ZEB2: variants seen among roughly 807,000 people sequenced by gnomAD.
ZEB2 encodes zinc finger E-box binding homeobox 2, also known as zinc finger E-box-binding homeobox 2.
ZEB2 carries 6 observed loss-of-function variants against 99.9 expected under a neutral mutation model. The observed-to-expected ratio is 0.06, with a 90% CI of 0.03 to 0.12. The LOEUF (loss-of-function observed/expected upper bound fraction) is 0.12, where lower values mean the gene tolerates loss of function less well. Ranked by LOEUF, ZEB2 falls within the 10% of genes least tolerant of loss-of-function variation. ZEB2 has a pLI of 1.00. For missense variants in ZEB2, 969 were observed against 1,502.8 expected (o/e 0.64, Z 5.87); for synonymous variants, 517 against 542.5 (o/e 0.95, Z 0.65).
intron 2 of ZEB2, among the ~76,000 whole-genome samples, chr2:144,479,742 A>G (rs1325442876): frequency 2.0e-5 from 3 of 151,330 alleles, no homozygotes; most frequent in Non-Finnish European, 4.4e-5. Context: ...CTCATTGAAC[A>G]AAGATTTCCC....
chr2:144,435,749 T>G (rs1703828634), intron 2 of ZEB2, among the ~76,000 whole-genome samples: 1 of 152,178 alleles, frequency 6.6e-6, no homozygotes, highest in African/African-American at 2.4e-5. Flanking sequence ...TCTTTACATG[T>G]GGCAAGTGTC....
At chr2:144,517,054 C>A (rs1429341959) in intron 2 of ZEB2, among the ~76,000 whole-genome samples, 1 of 149,808 alleles carries the variant, frequency 6.7e-6, no homozygotes, top group African/African-American at 2.4e-5. Flanking sequence ...CGCGCTCGGA[C>A]CCCCGGGTGC....
intron 1 of ZEB2, chr2:144,518,839 C>A (rs1334375014): frequency 3.9e-5 from 6 of 152,138 alleles, no homozygotes; most frequent in Non-Finnish European, 8.8e-5. Flanking sequence ...CACACGACTG[C>A]ATATAAATAC....
At position 144,384,123 on chromosome 2, in the gene ZEB2, AT is replaced by A. The variant is rs1703049933; in HGVS notation, c.*5327del. On this transcript the variant is annotated 3_prime_UTR_variant, in exon 10 of 10. Coordinates refer to ENST00000627532, the MANE Select transcript of ZEB2 (RefSeq NM_014795.4). The stretch of plus-strand genomic sequence containing the variant: ...AATCTTCATGTATTTTTTACTCATC[AT>A]TTTCTTTGACTAAAATTATTAGAAT... 1 of 152,122 alleles carries A rather than the reference AT, an allele frequency of 6.6e-6. No individual in the cohort carries two copies. Among genetic ancestry groups the A allele is most frequent in the South Asian group, 2.1e-4 (1 of 4,828 alleles). 9.4% of individuals were successfully genotyped at this position (152,122 alleles called of 1,614,324 possible). A position where few individuals can be genotyped will look rare whatever the true frequency, so the allele number is the denominator to read the frequency against.
At chr2:144,451,147 C>A (rs569458407) in intron 2 of ZEB2, among the ~76,000 whole-genome samples, 1 of 152,308 alleles carries the variant, frequency 6.6e-6, no homozygotes, top group South Asian at 2.1e-4. Context: ...TTTATTACTA[C>A]ACATGAGATC....
chr2:144,401,671 A>G (rs765418746), intron 6 of ZEB2, among the ~76,000 whole-genome samples: 2 of 152,202 alleles, frequency 1.3e-5, no homozygotes, highest in African/African-American at 2.4e-5. Context: ...AGAATGTGAC[A>G]ATTCTGTCAA....
At chr2:144,517,638 G>A in intron 1 of ZEB2, 1 of 700,842 alleles carries the variant, frequency 1.4e-6, no homozygotes, top group East Asian at 2.7e-5. Context: ...CCCGCGAGGG[G>A]ATCAGAGAGA....
At chr2:144,451,303 TGGAAAAGAGAG>T (rs1174383119) in intron 2 of ZEB2, among the ~76,000 whole-genome samples, 7 of 152,194 alleles carry the variant, frequency 4.6e-5, no homozygotes, top group Middle Eastern at 3.2e-3. Context: ...TAGGTAAATC[TGGAAAAGAGAG>T]GTCCAGTGCA....
At chr2:144,449,645 A>G (rs1019198979) in intron 2 of ZEB2, 5 of 152,326 alleles carry the variant, frequency 3.3e-5, no homozygotes, top group African/African-American at 1.2e-4. Flanking sequence ...GAATGAAGGT[A>G]GATGCCTTGA....
rs76167512 is a variant in ZEB2 at position 144,400,662 on chromosome 2, C to T, written c.917-392G>A. On this transcript the variant is annotated intron_variant, in intron 7 of 9. Coordinates refer to ENST00000627532, the MANE Select transcript of ZEB2 (RefSeq NM_014795.4). ...TTTGTGGAGATTCCATTGATTCTAC[C>T]AATCCAACTAGTCCTTTGAATAGCA... Among the ~76,000 whole-genome samples, 136 of 152,258 alleles carry T rather than the reference C, an allele frequency of 8.9e-4. 1 individual carries two copies. In the East Asian group the frequency reaches 0.022, roughly 24 times the overall value.
chr2:144,421,599 T>C (rs1703618801), intron 4 of ZEB2, among the ~76,000 whole-genome samples: 1 of 152,182 alleles, frequency 6.6e-6, no homozygotes, highest in Admixed American at 6.5e-5. Flanking sequence ...TTCTCACCTT[T>C]ACGAAATTCT....
At chr2:144,457,002 C>G (rs1456547581) in intron 2 of ZEB2, among the ~76,000 whole-genome samples, 1 of 152,142 alleles carries the variant, frequency 6.6e-6, no homozygotes, top group Non-Finnish European at 1.5e-5. Flanking sequence ...CTGGCCAGAG[C>G]AGCACCCCCC....
intron 4 of ZEB2, among the ~76,000 whole-genome samples, chr2:144,418,500 C>CTGT (rs1674476634): frequency 1.3e-5 from 2 of 151,972 alleles, no homozygotes; most frequent in Non-Finnish European, 2.9e-5. Flanking sequence ...TCAGCCTGGC[C>CTGT]AACATGACAA....
chr2:144,465,555 T>C lies in ZEB2; in HGVS notation c.74-35529A>G, dbSNP rs568992208. Among the ~76,000 whole-genome samples the C allele has an allele frequency of 9.9e-5, 15 of 152,280 alleles. No individual in the cohort carries two copies. The East Asian group carries it at 2.9e-3, about 29-fold the overall frequency. On this transcript the variant is annotated intron_variant, in intron 2 of 9. Coordinates refer to ENST00000627532, the MANE Select transcript of ZEB2 (RefSeq NM_014795.4). The stretch of plus-strand genomic sequence containing the variant: ...CTGTATTTGTTTCAGGTGAGCTTCC[T>C]GCAGGGCAACTTTGGCATATTCTCA...
intron 4 of ZEB2, among the ~76,000 whole-genome samples, chr2:144,411,744 A>G (rs1395202576): frequency 6.6e-6 from 1 of 152,212 alleles, no homozygotes; most frequent in Non-Finnish European, 1.5e-5. Flanking sequence ...CAGGGAACAC[A>G]TGTTCAGATG....
At chr2:144,512,482 T>C (rs762222431) in intron 2 of ZEB2, 7 of 1,287,128 alleles carry the variant, frequency 5.4e-6, no homozygotes, top group Non-Finnish European at 7.1e-6. Flanking sequence ...GAATTTTCTT[T>C]AAGCAAATTA....
intron 2 of ZEB2, chr2:144,512,269 C>T (rs1705052402): frequency 7.8e-7 from 1 of 1,287,220 alleles, no homozygotes; most frequent in Non-Finnish European, 1.0e-6. Context: ...AATTTCCTTT[C>T]ACACAGAAGA....
chr2:144,427,687 A>G (rs1246708638), intron 3 of ZEB2: 2 of 152,222 alleles, frequency 1.3e-5, no homozygotes, highest in Non-Finnish European at 2.9e-5. Flanking sequence ...GAACAATAAA[A>G]AAAAAGAACA....
intron 4 of ZEB2, chr2:144,424,493 CT>C (rs1460153146): frequency 3.1e-5 from 18 of 579,074 alleles, no homozygotes; most frequent in Non-Finnish European, 5.2e-5. Flanking sequence ...TTTTTGCAGT[CT>C]TTTAAAATAA....
Sources: allele counts gnomAD v4.1 joint callset (sites outside exome capture counted in the v4.1 genomes callset), GRCh38; gene constraint gnomAD v4.1.1; transcripts MANE v1.5; gene names NCBI Gene and HGNC (gene_info 2026-07-23, HGNC 2026-07-21).